Variants in CTNNA2 observed in about 807,000 individuals in gnomAD.
The protein encoded by CTNNA2 is catenin alpha 2, also known as catenin alpha-2.
In CTNNA2, 42 loss-of-function variants were observed where a neutral mutation model predicts 101.0. The ratio of observed to expected loss-of-function variants is 0.42; its 90% CI spans 0.32 to 0.54. The LOEUF (loss-of-function observed/expected upper bound fraction) is 0.54, where lower values mean the gene tolerates loss of function less well. Ranked by LOEUF, CTNNA2 falls within the 20% of genes least tolerant of loss-of-function variation. The probability of loss-of-function intolerance (pLI) is 0.14; values close to 1 mark genes in which losing one functional copy is unlikely to be tolerated. For synonymous variants in CTNNA2, 450 were observed against 456.4 expected, an observed-to-expected ratio of 0.99 and a Z score of 0.18; for missense variants, 871 against 1,223.1, an observed-to-expected ratio of 0.71 and a Z score of 4.29.
intron 9 of CTNNA2, among the ~76,000 whole-genome samples, chr2:80,494,684 G>GTGTTAAAAGATTATTT (rs1553536254): frequency 6.7e-6 from 1 of 150,252 alleles, no homozygotes; most frequent in Non-Finnish European, 1.5e-5. Context: ...TAGACGAAGG[G>GTGTTAAAAGATTATTT]ACAGTTTAGC....
chr2:79,468,417 C>T (rs1670962119), intron 4 of CTNNA2, among the ~76,000 whole-genome samples: 1 of 152,136 alleles, frequency 6.6e-6, no homozygotes, highest in South Asian at 2.1e-4. Context: ...TAGACTCCCA[C>T]ACAATAATAA....
intron 7 of CTNNA2, among the ~76,000 whole-genome samples, chr2:79,915,992 A>T (rs979075269): frequency 6.6e-6 from 1 of 152,198 alleles, no homozygotes; most frequent in African/African-American, 2.4e-5. Flanking sequence ...GGAAGCATGA[A>T]AAAGACTGAG....
At chr2:79,498,458 C>T (rs1430638) in intron 4 of CTNNA2, among the ~76,000 whole-genome samples, 79,573 of 151,984 alleles carry the variant, frequency 0.52, 21,064 homozygotes, top group African/African-American at 0.59. Context: ...AATTAGCAAG[C>T]ATGGTCTCCA....
At chr2:79,379,758 T>G (rs1008621150) in intron 4 of CTNNA2, among the ~76,000 whole-genome samples, 10 of 152,178 alleles carry the variant, frequency 6.6e-5, no homozygotes, top group African/African-American at 2.4e-4. Flanking sequence ...ATGTTAGTAT[T>G]TCTGGGAAGG....
intron 9 of CTNNA2, among the ~76,000 whole-genome samples, chr2:80,500,965 G>A (rs1328311893): frequency 1.3e-5 from 2 of 152,130 alleles, no homozygotes; most frequent in East Asian, 3.9e-4. Flanking sequence ...TAAGAGGAGT[G>A]AATGTCTATA....
chr2:80,457,737 T>A (rs1015428728), intron 9 of CTNNA2, among the ~76,000 whole-genome samples: 1 of 152,204 alleles, frequency 6.6e-6, no homozygotes, highest in African/African-American at 2.4e-5. Context: ...GAATGAACCT[T>A]CATATACTGA....
At chr2:79,827,298 A>G (rs953277992) in intron 3 of CTNNA2, among the ~76,000 whole-genome samples, 3 of 152,148 alleles carry the variant, frequency 2.0e-5, no homozygotes, top group Non-Finnish European at 4.4e-5. Flanking sequence ...TCAGCCTCCC[A>G]AAGTGCTGGG....
chr2:79,530,182 G>A (rs765974157), intron 1 of CTNNA2, among the ~76,000 whole-genome samples: 2 of 152,060 alleles, frequency 1.3e-5, no homozygotes, highest in South Asian at 2.1e-4. Context: ...TTTACTACAC[G>A]AATCAATTAT....
At chr2:80,571,859 T>G (rs1000634066) in intron 12 of CTNNA2, among the ~76,000 whole-genome samples, 8 of 152,188 alleles carry the variant, frequency 5.3e-5, no homozygotes, top group Admixed American at 3.9e-4. Context: ...AAAGCAATTA[T>G]TTTCATTCTC....
At chr2:80,213,779 C>T (rs1226766191) in intron 7 of CTNNA2, among the ~76,000 whole-genome samples, 1 of 152,094 alleles carries the variant, frequency 6.6e-6, no homozygotes, top group Non-Finnish European at 1.5e-5. Context: ...TGTTAACTTT[C>T]TGTCTTGTTG....
intron 7 of CTNNA2, among the ~76,000 whole-genome samples, chr2:80,300,281 G>GGTGT (rs70940079): frequency 0.011 from 981 of 93,086 alleles, 6 homozygotes; most frequent in African/African-American, 0.014. Flanking sequence ...GGGGTGTTGG[G>GGTGT]GTGTGTGTGT....
At chr2:80,361,941 C>T (rs1674449439) in intron 7 of CTNNA2, among the ~76,000 whole-genome samples, 1 of 152,110 alleles carries the variant, frequency 6.6e-6, no homozygotes, top group Non-Finnish European at 1.5e-5. Flanking sequence ...CCATCCCATA[C>T]ATGTTCTTAA....
chr2:80,536,436 G>A (rs1691029290), intron 9 of CTNNA2, among the ~76,000 whole-genome samples: 1 of 151,932 alleles, frequency 6.6e-6, no homozygotes, highest in Non-Finnish European at 1.5e-5. Flanking sequence ...ATGGACCTTC[G>A]AATTGCTATT....
chr2:80,274,446 A>C (rs561803283), intron 7 of CTNNA2, among the ~76,000 whole-genome samples: 2 of 152,242 alleles, frequency 1.3e-5, no homozygotes, highest in African/African-American at 4.8e-5. Context: ...GGCTGTGGGG[A>C]TCATATACAC....
chr2:79,917,873 G>T (rs1257880792), intron 7 of CTNNA2, among the ~76,000 whole-genome samples: 1 of 152,152 alleles, frequency 6.6e-6, no homozygotes, highest in Admixed American at 6.5e-5. Flanking sequence ...GCTTTGAAAA[G>T]TTCCAGGAGG....
chr2:80,533,304 T>TA (rs1690699883), intron 9 of CTNNA2, among the ~76,000 whole-genome samples: 1 of 152,132 alleles, frequency 6.6e-6, no homozygotes, highest in Non-Finnish European at 1.5e-5. Context: ...GGAAGATTGC[T>TA]AGTTTAATTG....
chr2:79,665,048 T>G (rs753851395), intron 2 of CTNNA2, among the ~76,000 whole-genome samples: 40 of 152,152 alleles, frequency 2.6e-4, no homozygotes, highest in Non-Finnish European at 4.7e-4. Context: ...TTTGTCTTTC[T>G]TTTTGTTTCC....
chr2:80,029,829 A>G (rs776934478), intron 7 of CTNNA2, among the ~76,000 whole-genome samples: 28 of 152,106 alleles, frequency 1.8e-4, no homozygotes, highest in Admixed American at 1.0e-3. Context: ...AAAACACACT[A>G]AAGCACACAA....
chr2:80,271,075 C>T (rs939544728), intron 7 of CTNNA2, among the ~76,000 whole-genome samples: 1 of 152,072 alleles, frequency 6.6e-6, no homozygotes, highest in African/African-American at 2.4e-5. Context: ...GTGAGATGCC[C>T]CTCTAGCAGA....
Sources: allele counts gnomAD v4.1 joint callset (sites outside exome capture counted in the v4.1 genomes callset), GRCh38; gene constraint gnomAD v4.1.1; transcripts MANE v1.5; gene names NCBI Gene and HGNC (gene_info 2026-07-23, HGNC 2026-07-21).